RIT2: variants seen among roughly 807,000 people sequenced by gnomAD.
The protein encoded by RIT2 is GTP-binding protein Rit2.
Under a neutral mutation model 23.7 loss-of-function variants are expected in RIT2, and 24 were observed. That is an observed-to-expected ratio of 1.01 (90% CI 0.73 to 1.43). The LOEUF (loss-of-function observed/expected upper bound fraction) is 1.43. Ranked by LOEUF, RIT2 falls within the 40% of genes most tolerant of loss-of-function variation. RIT2 has a pLI of 0.00. For missense variants in RIT2, 236 were observed against 266.9 expected, an observed-to-expected ratio of 0.88 and a Z score of 0.81; for synonymous variants, 107 against 91.1, an observed-to-expected ratio of 1.17 and a Z score of -0.99.
chr18:43,054,551 G>A (rs1398706317), intron 1 of RIT2, among the ~76,000 whole-genome samples: 1 of 152,022 alleles, frequency 6.6e-6, no homozygotes. Flanking sequence ...AATGATATCT[G>A]TAAAATAAGT....
intron 1 of RIT2, among the ~76,000 whole-genome samples, chr18:43,058,537 A>G (rs766152116): frequency 1.3e-5 from 2 of 152,116 alleles, no homozygotes; most frequent in Non-Finnish European, 2.9e-5. Context: ...CAGGACACAT[A>G]CCCAAGAATC....
At chr18:42,863,792 A>C (rs1382396446) in intron 4 of RIT2, among the ~76,000 whole-genome samples, 1 of 152,126 alleles carries the variant, frequency 6.6e-6, no homozygotes, top group Non-Finnish European at 1.5e-5. Context: ...CCTCAACCCG[A>C]ATCTCAAGCC....
chr18:42,782,481 T>C (rs1250397639), intron 4 of RIT2, among the ~76,000 whole-genome samples: 5 of 151,992 alleles, frequency 3.3e-5, no homozygotes, highest in African/African-American at 1.2e-4. Context: ...GCTAGCAAGA[T>C]GATTGATAGA....
chr18:42,783,059 T>C (rs1205220661), intron 4 of RIT2, among the ~76,000 whole-genome samples: 1 of 152,236 alleles, frequency 6.6e-6, no homozygotes, highest in East Asian at 1.9e-4. Flanking sequence ...ACAAAGTCGA[T>C]AGATGCTGCG....
At chr18:42,882,285 T>TA (rs1322972221) in intron 4 of RIT2, among the ~76,000 whole-genome samples, 1 of 152,204 alleles carries the variant, frequency 6.6e-6, no homozygotes, top group East Asian at 1.9e-4. Flanking sequence ...GCTTGCTGGC[T>TA]ATAAAATGAG....
rs1013903266 is a variant in RIT2, at chr18:42,923,747, ATGGCTGTGAATTC to A, written c.238_250del (p.Glu80CysfsTer66). 1.3e-6 allele frequency: 2 copies of A among 1,593,670 alleles called. No homozygotes were observed. The highest frequency in any genetic ancestry group is 2.8e-5 in the African/African-American group (2 of 72,380). On this transcript the variant is annotated frameshift_variant, in exon 4 of 5. Coordinates refer to ENST00000326695, the MANE Select transcript of RIT2 (RefSeq NM_002930.4). LOFTEE classifies it high-confidence loss of function. ...CCCACCTCGCATGTACTGCTCCCGC[ATGGCTGTGAATTC>A]TGCCTGCAGGAAAAAAAAAAAAAAA...
intron 1 of RIT2, among the ~76,000 whole-genome samples, chr18:43,081,490 AC>A (rs1332509334): frequency 1.3e-5 from 2 of 152,130 alleles, no homozygotes; most frequent in African/African-American, 4.8e-5. Context: ...AGATTTGGTA[AC>A]TTCATTGTCA....
At chr18:43,017,405 AAAATAT>A (rs1911500070) in intron 2 of RIT2, among the ~76,000 whole-genome samples, 1 of 152,112 alleles carries the variant, frequency 6.6e-6, no homozygotes, top group African/African-American at 2.4e-5. Context: ...AAAATAATAC[AAAATAT>A]AAATATAAGT....
chr18:42,877,076 C>T (rs924625839), intron 4 of RIT2, among the ~76,000 whole-genome samples: 6 of 151,628 alleles, frequency 4.0e-5, no homozygotes, highest in African/African-American at 1.5e-4. Context: ...CCTTCCACTA[C>T]CCTTGAGAAA....
At chr18:42,975,336 T>C (rs1286779716) in intron 2 of RIT2, among the ~76,000 whole-genome samples, 3 of 152,122 alleles carry the variant, frequency 2.0e-5, no homozygotes, top group African/African-American at 7.2e-5. Flanking sequence ...TTGATTTGTA[T>C]ATGTTGAGTC....
At chr18:43,059,503 A>G (rs1284185722) in intron 1 of RIT2, among the ~76,000 whole-genome samples, 1 of 152,158 alleles carries the variant, frequency 6.6e-6, no homozygotes, top group Non-Finnish European at 1.5e-5. Flanking sequence ...GTATAGCATA[A>G]TTAGGTTAGA....
At chr18:42,969,861 C>G (rs926280912) in intron 3 of RIT2, among the ~76,000 whole-genome samples, 2 of 151,778 alleles carry the variant, frequency 1.3e-5, no homozygotes, top group Non-Finnish European at 2.9e-5. Context: ...TCAAAGATAA[C>G]CCAGTATCAA....
chr18:43,083,731 A>T (rs1254547424), intron 1 of RIT2, among the ~76,000 whole-genome samples: 1 of 152,218 alleles, frequency 6.6e-6, no homozygotes, highest in Non-Finnish European at 1.5e-5. Flanking sequence ...ACAAAAATTA[A>T]CTCAAAGTGG....
chr18:42,913,792 G>T (rs1283089535), intron 4 of RIT2, among the ~76,000 whole-genome samples: 1 of 151,906 alleles, frequency 6.6e-6, no homozygotes, highest in Non-Finnish European at 1.5e-5. Flanking sequence ...TCTACAATAT[G>T]GTGGCTGTAG....
rs566632849 is a variant in RIT2 at position 42,843,571 on chromosome 18, T to C, written c.426+80001A>G. Among the ~76,000 whole-genome samples the C allele has an allele frequency of 7.9e-4, 120 of 152,334 alleles. No homozygotes were observed. In the Middle Eastern group the frequency reaches 0.024, roughly 30 times the overall value. ...GTAAAAGCTGAAGTAGGAGATTTTA[T>C]ACCTCTCTCCAGAACTCCGGATTCA... On this transcript the variant is annotated intron_variant, in intron 4 of 4. Coordinates refer to ENST00000326695, the MANE Select transcript of RIT2 (RefSeq NM_002930.4).
At chr18:43,008,464 C>T (rs1452838486) in intron 2 of RIT2, among the ~76,000 whole-genome samples, 1 of 151,102 alleles carries the variant, frequency 6.6e-6, no homozygotes, top group East Asian at 2.0e-4. Context: ...ACAAAGAGAG[C>T]TTTGGGGTAA....
At chr18:42,861,638 C>T (rs1360446561) in intron 4 of RIT2, among the ~76,000 whole-genome samples, 1 of 152,200 alleles carries the variant, frequency 6.6e-6, no homozygotes, top group Non-Finnish European at 1.5e-5. Flanking sequence ...TCTGACCATG[C>T]TGTTCCACTA....
chr18:42,788,873 G>C (rs1197946328), intron 4 of RIT2, among the ~76,000 whole-genome samples: 1 of 152,134 alleles, frequency 6.6e-6, no homozygotes, highest in Non-Finnish European at 1.5e-5. Flanking sequence ...TTGCCCAAGT[G>C]CTTTTCCTGT....
intron 2 of RIT2, among the ~76,000 whole-genome samples, chr18:43,005,454 T>G (rs1911205460): frequency 6.6e-6 from 1 of 151,816 alleles, no homozygotes; most frequent in South Asian, 2.1e-4. Context: ...ACTAAAATGA[T>G]AGTGAAAAAA....
Sources: gnomAD v4.1 joint callset for allele counts (sites outside exome capture counted in the v4.1 genomes callset) on GRCh38, gnomAD v4.1.1 for gene constraint, MANE v1.5 for transcripts, NCBI Gene and HGNC (gene_info 2026-07-23, HGNC 2026-07-21) for gene names.